FOXP2: variants seen among roughly 807,000 people sequenced by gnomAD.
The protein encoded by FOXP2 is forkhead box P2.
FOXP2 carries 12 observed loss-of-function variants against 115.8 expected under a neutral mutation model. The observed-to-expected ratio is 0.10, with a 90% CI of 0.07 to 0.17. The LOEUF is 0.17. FOXP2 is among the 10% of genes least tolerant of loss of function. FOXP2 has a pLI of 1.00. For missense variants in FOXP2, 629 were observed against 843.5 expected (o/e 0.75, Z 3.15); for synonymous variants, 328 against 297.7 (o/e 1.10, Z -1.05).
intron 2 of FOXP2, among the ~76,000 whole-genome samples, chr7:114,466,055 C>A (rs1036334126): frequency 2.0e-5 from 3 of 152,166 alleles, no homozygotes; most frequent in Non-Finnish European, 4.4e-5. Context: ...ATTTAAATTT[C>A]TAGAGTAAAC....
intron 2 of FOXP2, among the ~76,000 whole-genome samples, chr7:114,501,030 T>TA: frequency 6.6e-6 from 1 of 152,140 alleles, no homozygotes; most frequent in Non-Finnish European, 1.5e-5. Flanking sequence ...TAGGAGAAAT[T>TA]ACATCCACTA....
intron 1 of FOXP2, among the ~76,000 whole-genome samples, chr7:114,242,922 T>C (rs1795190546): frequency 2.0e-5 from 3 of 152,158 alleles, no homozygotes; most frequent in Admixed American, 2.0e-4. Context: ...GTAGGATTCC[T>C]AGATGGGAAT....
chr7:114,165,307 A>C (rs1792950606), intron 1 of FOXP2, among the ~76,000 whole-genome samples: 2 of 152,294 alleles, frequency 1.3e-5, no homozygotes, highest in South Asian at 4.1e-4. Flanking sequence ...AAGGAAACAA[A>C]AGACATTGTG....
chr7:114,520,414 G>A (rs1053622919), intron 2 of FOXP2, among the ~76,000 whole-genome samples: 6 of 149,372 alleles, frequency 4.0e-5, no homozygotes, highest in African/African-American at 7.3e-5. Flanking sequence ...AAAACAAAAA[G>A]ACTTAAAAGC....
At chr7:114,529,186 A>T (rs1584856522) in intron 2 of FOXP2, among the ~76,000 whole-genome samples, 1 of 151,572 alleles carries the variant, frequency 6.6e-6, no homozygotes, top group South Asian at 2.1e-4. Context: ...TCCCTTTTAA[A>T]CTCATTCTAC....
chr7:114,559,985 CA>C (rs1304450715), intron 3 of FOXP2, among the ~76,000 whole-genome samples: 2 of 151,962 alleles, frequency 1.3e-5, no homozygotes, highest in Admixed American at 1.3e-4. Context: ...TTTAAAATCT[CA>C]AATCCTTCAA....
Position 114,570,841 on chromosome 7 carries a change from G to A in FOXP2, c.258+36135G>A, listed in dbSNP as rs1801263903. 7 of 1,611,896 alleles carry A rather than the reference G, an allele frequency of 4.3e-6. No homozygotes were observed. The East Asian group carries it at 1.6e-4, about 36-fold the overall frequency. On this transcript the variant is annotated intron_variant, in intron 3 of 16. Transcript: ENST00000350908. ...CCAGAAACAAAATTATGTATCTGTG[G>A]CCACTCTTCTGGTGATGGGCATCCT... is the stretch of plus-strand genomic sequence containing the variant.
At chr7:114,444,789 G>C (rs1396121178) in intron 2 of FOXP2, among the ~76,000 whole-genome samples, 1 of 152,022 alleles carries the variant, frequency 6.6e-6, no homozygotes, top group Non-Finnish European at 1.5e-5. Flanking sequence ...GTTCTATATA[G>C]TTAATATGTA....
intron 3 of FOXP2, among the ~76,000 whole-genome samples, chr7:114,544,695 T>C (rs1051243143): frequency 6.6e-6 from 1 of 152,214 alleles, no homozygotes; most frequent in Non-Finnish European, 1.5e-5. Context: ...AATTCTTGGA[T>C]AGAATATCTC....
chr7:114,570,577 T>A (rs567782986), intron 3 of FOXP2, among the ~76,000 whole-genome samples: 2 of 151,978 alleles, frequency 1.3e-5, no homozygotes, highest in East Asian at 3.9e-4. Context: ...TTTTTGGTTA[T>A]GGGTTAATTT....
chr7:114,267,999 A>T (rs1301464005), intron 1 of FOXP2, among the ~76,000 whole-genome samples: 1 of 151,900 alleles, frequency 6.6e-6, no homozygotes, highest in Non-Finnish European at 1.5e-5. Flanking sequence ...ACCATTCTCC[A>T]TTCTGTGTCC....
At chr7:114,278,113 TCAA>T (rs1178684497) in intron 1 of FOXP2, among the ~76,000 whole-genome samples, 9 of 150,946 alleles carry the variant, frequency 6.0e-5, no homozygotes, top group Admixed American at 5.9e-4. Flanking sequence ...AGAATTATTC[TCAA>T]CAACAATTAA....
At chr7:114,399,310 G>A (rs568259966) in intron 2 of FOXP2, among the ~76,000 whole-genome samples, 2 of 152,050 alleles carry the variant, frequency 1.3e-5, no homozygotes, top group East Asian at 1.9e-4. Flanking sequence ...GTTTCACCAT[G>A]TTGGCCAGGC....
At chr7:114,252,939 A>C (rs1271114015) in intron 1 of FOXP2, among the ~76,000 whole-genome samples, 1 of 152,090 alleles carries the variant, frequency 6.6e-6, no homozygotes, top group Non-Finnish European at 1.5e-5. Context: ...TAGTGCTATA[A>C]ATTTCCCTCT....
chr7:114,601,577 G>A (rs1803027377), intron 3 of FOXP2, among the ~76,000 whole-genome samples: 1 of 152,018 alleles, frequency 6.6e-6, no homozygotes, highest in Admixed American at 6.6e-5. Flanking sequence ...AGATTCAGAT[G>A]ATCAATTTTT....
chr7:114,130,919 A>C (rs972237589), intron 1 of FOXP2, among the ~76,000 whole-genome samples: 1 of 152,240 alleles, frequency 6.6e-6, no homozygotes. Context: ...ATGCTCACTG[A>C]GTATAAATAA....
chr7:114,511,698 T>C (rs1388307347), intron 2 of FOXP2, among the ~76,000 whole-genome samples: 1 of 152,176 alleles, frequency 6.6e-6, no homozygotes, highest in Non-Finnish European at 1.5e-5. Flanking sequence ...CATTAATAAC[T>C]TTAATGAAGG....
chr7:114,604,854 A>G (rs1483654194), intron 3 of FOXP2, among the ~76,000 whole-genome samples: 1 of 152,176 alleles, frequency 6.6e-6, no homozygotes, highest in Non-Finnish European at 1.5e-5. Context: ...ATGAAACTGT[A>G]GTAAGCGTAG....
intron 2 of FOXP2, among the ~76,000 whole-genome samples, chr7:114,447,458 T>C (rs1794884732): frequency 6.6e-6 from 1 of 152,092 alleles, no homozygotes; most frequent in Non-Finnish European, 1.5e-5. Flanking sequence ...CTCTCCTGCC[T>C]CATTTCTCCC....
Sources: allele counts gnomAD v4.1 joint callset (sites outside exome capture counted in the v4.1 genomes callset), GRCh38; gene constraint gnomAD v4.1.1; transcripts MANE v1.5; gene names NCBI Gene and HGNC (gene_info 2026-07-23, HGNC 2026-07-21).